The following CCDC137 variants were observed in gnomAD, a reference collection of about 807,000 sequenced individuals.
The protein encoded by CCDC137 is coiled-coil domain-containing protein 137.
Under a neutral mutation model 30.4 loss-of-function variants are expected in CCDC137, and 24 were observed. That is an observed-to-expected ratio of 0.79 (90% CI 0.57 to 1.11). The LOEUF is 1.11. Among genes scored for constraint, CCDC137 ranks in the 50% least tolerant of loss-of-function variants. The pLI is 0.00. For missense variants in CCDC137, 417 were observed against 380.4 expected, an observed-to-expected ratio of 1.10 and a Z score of -0.80; for synonymous variants, 182 against 155.7, an observed-to-expected ratio of 1.17 and a Z score of -1.26.
Position 81,667,880 on chromosome 17 carries a change from C to A in CCDC137, c.268+18C>A. ...GAAAGCAGGTGTGTGCAGGCCCATA[C>A]TGGGCGGCAGTGAAGCTTTGTGTGT... is the stretch of plus-strand genomic sequence containing the variant. On this transcript the variant is annotated intron_variant, in intron 2 of 5. Transcript: ENST00000329214. 1 of 1,609,080 alleles carries A rather than the reference C, an allele frequency of 6.2e-7. No homozygotes were observed. Among genetic ancestry groups the A allele is most frequent in the Admixed American group, 1.7e-5 (1 of 59,462 alleles).
intron 3 of CCDC137, 53 bp downstream of exon 3, chr17:81,670,506 A>G (rs2036707348): frequency 6.6e-7 from 1 of 1,506,898 alleles, no homozygotes. Flanking sequence ...GAGGGAAGAC[A>G]TTGGGTTCCC....
In CCDC137 at chr17:81,672,500, C is replaced by A; in HGVS notation, c.666C>A (p.Gly222=). 2.6e-6 allele frequency: 4 copies of A among 1,556,912 alleles called. No individual in the cohort carries two copies. The highest frequency in any genetic ancestry group is 3.5e-6 in the Non-Finnish European group (4 of 1,150,428). The change falls in exon 6 of 6, where the codon GGC becomes GGA. Residue 222 remains glycine, a synonymous_variant. Transcript: ENST00000329214. ...PQRSVSKDQP[G]RRSQMLRMLL... ...CCCTCCCCTCTCTCCCTCAGCCTGG[C>A]AGGAGATCGCAGATGCTGCGGATGC... is the stretch of plus-strand genomic sequence containing the variant.
chr17:81,668,805 G>C (rs1282715323), intron 2 of CCDC137, among the ~76,000 whole-genome samples: 1 of 151,746 alleles, frequency 6.6e-6, no homozygotes, highest in Non-Finnish European at 1.5e-5. Flanking sequence ...GGTTTAAGCA[G>C]TTCTCCTGCC....
At chr17:81,672,340 G>GA (rs35384619) in intron 5 of CCDC137, among the ~76,000 whole-genome samples, 155 bp from the exon 6 acceptor site, 13,085 of 147,156 alleles carry the variant, frequency 0.089, 804 homozygotes, top group East Asian at 0.21. Context: ...CCTGTGTCAA[G>GA]AAAAAAAAAA....
chr17:81,669,853 G>A (rs2036697194), intron 2 of CCDC137: 2 of 203,264 alleles, frequency 9.8e-6, no homozygotes, highest in Non-Finnish European at 2.0e-5. Flanking sequence ...GAGCCACCGC[G>A]CCCGGCAGGT....
chr17:81,668,376 C>T (rs1025893797), intron 2 of CCDC137, among the ~76,000 whole-genome samples: 3 of 152,148 alleles, frequency 2.0e-5, no homozygotes, highest in African/African-American at 4.8e-5. Flanking sequence ...GAAGTCTTGC[C>T]TTCCTCCCCC....
intron 2 of CCDC137, chr17:81,669,923 C>T: frequency 5.4e-6 from 2 of 370,424 alleles, no homozygotes; most frequent in Non-Finnish European, 5.0e-6. Context: ...GCAATGGAGT[C>T]TGTGGGTGAT....
At chr17:81,670,169 C>A in intron 2 of CCDC137, 56 bp from the exon 3 acceptor site, 1 of 1,377,260 alleles carries the variant, frequency 7.3e-7, no homozygotes, top group Non-Finnish European at 1.0e-6. Context: ...GAGCATGGGT[C>A]ACCTGCCTGC....
chr17:81,666,991 T>G, intron 1 of CCDC137, 91 bp downstream of exon 1: 1 of 1,210,288 alleles, frequency 8.3e-7, no homozygotes, highest in South Asian at 4.0e-5. Context: ...GAGCGTTCGC[T>G]CGGACCCCTT....
rs749160361 is a variant in CCDC137 at position 81,667,712 on chromosome 17, C to T, written c.135-17C>T. 37 of 1,613,354 alleles carry T rather than the reference C, an allele frequency of 2.3e-5. No homozygotes were observed. The Admixed American group carries it at 4.0e-4, about 17-fold the overall frequency. Reference sequence around the variant, plus strand: ...CTTTACTTGGGACGGGTCTCACCCCCGTGTTCTTTCTCCCAGCAAAGAGAA... The same window carrying T: ...CTTTACTTGGGACGGGTCTCACCCCTGTGTTCTTTCTCCCAGCAAAGAGAA... On this transcript the variant is annotated splice_polypyrimidine_tract_variant and intron_variant, in intron 1 of 5. Transcript: ENST00000329214.
intron 2 of CCDC137, 78 bp downstream of exon 2, chr17:81,667,940 G>C: frequency 6.6e-7 from 1 of 1,509,204 alleles, no homozygotes; most frequent in African/African-American, 1.4e-5. Context: ...ACTTCAGAAC[G>C]TTTCAGGCAG....
Position 81,671,763 on chromosome 17 carries a change from G to A in CCDC137, c.517G>A (p.Asp173Asn). ...AKKAFQKRRL[D>N]KVRRKKEEKA... Reference sequence around the variant, plus strand: ...CCCCAGGTTCCAGAAGCGGCGACTAGATAAAGTCCGACGGAAAAAGGAGGA... The same window carrying A: ...CCCCAGGTTCCAGAAGCGGCGACTAAATAAAGTCCGACGGAAAAAGGAGGA... The change falls in exon 4 of 6, where the codon GAT (aspartate) becomes AAT (asparagine). Residue 173 changes from aspartate (D) to asparagine (N), a missense_variant. Asp to Asn is a conservative substitution (Grantham distance 23). Transcript: ENST00000329214. 1 of 1,612,508 alleles carries A rather than the reference G, an allele frequency of 6.2e-7. No homozygotes were observed. The highest frequency in any genetic ancestry group is 1.1e-5 in the South Asian group (1 of 90,956).
chr17:81,671,600 G>C (rs943625213), intron 3 of CCDC137, 144 bp from the exon 4 acceptor site: 1 of 713,256 alleles, frequency 1.4e-6, no homozygotes, highest in Admixed American at 2.3e-5. Flanking sequence ...GGGGTGGTAA[G>C]GGGAGCGGGG....
At position 81,672,578 on chromosome 17, in the gene CCDC137, GC is replaced by G; in HGVS notation, c.745del (p.Arg249GlyfsTer17). ...QPLTASLARQRIVEEERERAV... is the reference protein window; with the variant it reads ...QPLTASLARQXIVEEERERAV... Reference sequence around the variant, plus strand: ...CTCTGACCGCCTCCCTGGCCCGCCAGCGGATTGTGGAGGAGGAGAGAGAGCG... The same window carrying G: ...CTCTGACCGCCTCCCTGGCCCGCCAGGGATTGTGGAGGAGGAGAGAGAGCG... On this transcript the variant is annotated frameshift_variant, in exon 6 of 6. Transcript: ENST00000329214. LOFTEE classifies it low-confidence loss of function (END_TRUNC). 6.3e-7 allele frequency: 1 copy of G among 1,580,756 alleles called. No individual in the cohort carries two copies. Among genetic ancestry groups the G allele is most frequent in the Non-Finnish European group, 8.6e-7 (1 of 1,163,934 alleles).
At chr17:81,670,057 C>T (rs1000267608) in intron 2 of CCDC137, 168 bp from the exon 3 acceptor site, 37 of 609,284 alleles carry the variant, frequency 6.1e-5, no homozygotes, top group Non-Finnish European at 6.5e-5. Flanking sequence ...GTCACGTCCC[C>T]GGGGATGCCG....
In CCDC137 at chr17:81,672,076, A is replaced by T. The variant is rs2036725469; in HGVS notation, c.581A>T (p.Asp194Val). ...ADRLEQELLR[D>V]TVKFGEVVLQ... ...CCTCAGTTGTATTCTGCTCCTCCAG[A>T]CACGGTGAAGTTTGGTGAGGTTGTC... Residue 194 changes from aspartate (D) to valine (V), a missense_variant and splice_region_variant, in exon 5 of 6, where the codon GAC (aspartate) becomes GTC (valine). By Grantham distance (152) the Asp-to-Val change is radical. Coordinates refer to ENST00000329214, the MANE Select transcript of CCDC137 (RefSeq NM_199287.3). The T allele has an allele frequency of 6.2e-7, 1 of 1,613,928 alleles. No individual in the cohort carries two copies. Among genetic ancestry groups the T allele is most frequent in the African/African-American group, 1.3e-5 (1 of 74,884 alleles).
intron 2 of CCDC137, among the ~76,000 whole-genome samples, chr17:81,669,634 A>T (rs2036694327): frequency 1.3e-5 from 2 of 150,552 alleles, no homozygotes; most frequent in Admixed American, 6.6e-5. Context: ...ATCTCGGCTC[A>T]CTGCAAGCTC....
At chr17:81,671,893 C>A in intron 4 of CCDC137, 67 bp downstream of exon 4, 1 of 1,567,008 alleles carries the variant, frequency 6.4e-7, no homozygotes, top group Non-Finnish European at 8.8e-7. Context: ...GCCTTCTGTT[C>A]CCCACCAGCC....
chr17:81,667,799 G>A lies in CCDC137; in HGVS notation c.205G>A (p.Glu69Lys), dbSNP rs1480035209. 2 of 1,612,936 alleles carry A rather than the reference G, an allele frequency of 1.2e-6. No individual in the cohort carries two copies. The highest frequency in any genetic ancestry group is 3.3e-5 in the Admixed American group (2 of 60,014). ...ACAGGAGATTCCTTTCCGGCTCCGGGAGATTATGAGGAGCCGCCAAGAGAT... is the reference window on the plus strand; with the variant it reads ...ACAGGAGATTCCTTTCCGGCTCCGGAAGATTATGAGGAGCCGCCAAGAGAT... The part of the protein sequence containing the change: ...DEQEIPFRLR[E>K]IMRSRQEMKN... The change falls in exon 2 of 6, where the codon GAG (glutamate) becomes AAG (lysine). Residue 69 changes from glutamate (E) to lysine (K), a missense_variant. Glu to Lys is a moderately conservative substitution (Grantham distance 56, BLOSUM62 1). Coordinates refer to ENST00000329214, the MANE Select transcript of CCDC137 (RefSeq NM_199287.3).
Sources: allele counts gnomAD v4.1 joint callset (sites outside exome capture counted in the v4.1 genomes callset), GRCh38; gene constraint gnomAD v4.1.1; transcripts MANE v1.5; gene names NCBI Gene and HGNC (gene_info 2026-07-23, HGNC 2026-07-21).